The following GLRA1 variants were observed in gnomAD, a reference collection of about 807,000 sequenced individuals.
GLRA1 encodes glycine receptor subunit alpha-1.
Under a neutral mutation model 48.3 loss-of-function variants are expected in GLRA1, and 37 were observed. That is an observed-to-expected ratio of 0.77 (90% CI 0.59 to 1.01). The LOEUF (loss-of-function observed/expected upper bound fraction) is 1.01, where lower values mean the gene tolerates loss of function less well. GLRA1 is among the 50% of genes least tolerant of loss of function. The probability of loss-of-function intolerance (pLI) is 0.00; values close to 1 mark genes in which losing one functional copy is unlikely to be tolerated. For missense variants in GLRA1, 427 were observed against 571.0 expected, an observed-to-expected ratio of 0.75 and a Z score of 2.57; for synonymous variants, 196 against 210.7, an observed-to-expected ratio of 0.93 and a Z score of 0.60.
chr5:151,856,741 C>T (rs536151335), intron 4 of GLRA1, among the ~76,000 whole-genome samples: 5 of 151,936 alleles, frequency 3.3e-5, no homozygotes, highest in South Asian at 2.1e-4. Flanking sequence ...AGGCTAGTCT[C>T]GAACTCCCAG....
At chr5:151,917,249 C>T (rs1038224962) in intron 1 of GLRA1, among the ~76,000 whole-genome samples, 1 of 152,160 alleles carries the variant, frequency 6.6e-6, no homozygotes, top group Admixed American at 6.5e-5. Context: ...GATGCTCAGG[C>T]CTACCCCAGA....
Position 151,856,329 on chromosome 5 carries a change from G to T in GLRA1, c.531C>A (p.Val177=). The T allele has an allele frequency of 6.2e-7, 1 of 1,611,848 alleles. No homozygotes were observed. Among genetic ancestry groups the T allele is most frequent in the South Asian group, 1.1e-5 (1 of 91,026 alleles). Residue 177 remains valine, a synonymous_variant, in exon 5 of 9, where the codon GTC becomes GTA. Transcript: ENST00000274576. ...TTTCCAGTTGCATGATACATGTCTG[G>T]ACATCCATGGGGAAATTCTTCAAGT... ...PMDLKNFPMD[V]QTCIMQLESF... is the part of the protein sequence containing the mutation.
intron 1 of GLRA1, among the ~76,000 whole-genome samples, chr5:151,923,093 T>G (rs1169426380): frequency 6.7e-6 from 1 of 149,526 alleles, no homozygotes; most frequent in East Asian, 1.9e-4. Context: ...TCTATCTGAC[T>G]CTCTGACTAT....
At chr5:151,873,258 G>C (rs1272270708) in intron 3 of GLRA1, among the ~76,000 whole-genome samples, 3 of 149,394 alleles carry the variant, frequency 2.0e-5, no homozygotes, top group Non-Finnish European at 4.4e-5. Context: ...GGGCTTCCTG[G>C]GGGAGGCAGA....
At position 151,828,903 on chromosome 5, in the gene GLRA1, A is replaced by C. The variant is rs763830285; in HGVS notation, c.1059+18T>G. 5 of 1,611,638 alleles carry C rather than the reference A, an allele frequency of 3.1e-6. No homozygotes were observed. The Admixed American group carries it at 5.0e-5, about 16-fold the overall frequency. ...TACTAACAGCTGTCCCTCCTTAGGC[A>C]GTGACCCAAAGGCCTACCTTGTGAT... On this transcript the variant is annotated intron_variant, in intron 8 of 8. Transcript: ENST00000274576.
At chr5:151,851,256 C>T (rs998918351) in intron 7 of GLRA1, 134 bp downstream of exon 7, 4 of 690,932 alleles carry the variant, frequency 5.8e-6, no homozygotes, top group Non-Finnish European at 1.1e-5. Context: ...CAAAGATCTG[C>T]AGGATCCTGC....
chr5:151,872,356 A>G (rs983345085), intron 3 of GLRA1, among the ~76,000 whole-genome samples: 2 of 149,736 alleles, frequency 1.3e-5, no homozygotes, highest in Admixed American at 6.6e-5. Flanking sequence ...AATGACAATG[A>G]AGTACCATTT....
chr5:151,922,619 C>T (rs1381081995), intron 1 of GLRA1, among the ~76,000 whole-genome samples: 5 of 152,208 alleles, frequency 3.3e-5, no homozygotes, highest in East Asian at 1.9e-4. Flanking sequence ...CGTTCACGCA[C>T]GTAGGGGAAA....
At chr5:151,909,346 A>C (rs1362017866) in intron 1 of GLRA1, among the ~76,000 whole-genome samples, 1 of 152,182 alleles carries the variant, frequency 6.6e-6, no homozygotes, top group Non-Finnish European at 1.5e-5. Flanking sequence ...CTTTTCTCCA[A>C]CCATTTGAAT....
intron 6 of GLRA1, among the ~76,000 whole-genome samples, chr5:151,853,126 A>G (rs1752951367): frequency 6.6e-6 from 1 of 152,264 alleles, no homozygotes; most frequent in South Asian, 2.1e-4. Flanking sequence ...CAAAGGGTAC[A>G]GAATTTCAGT....
chr5:151,873,904 T>G (rs1171071339), intron 3 of GLRA1, among the ~76,000 whole-genome samples: 1 of 152,220 alleles, frequency 6.6e-6, no homozygotes, highest in African/African-American at 2.4e-5. Flanking sequence ...AGCTTGGGCT[T>G]CTTTTGAACC....
rs1754985074 is a variant in GLRA1 at position 151,924,804 on chromosome 5, A to G, written c.-255T>C. The G allele has an allele frequency of 7.5e-6, 4 of 530,210 alleles. No homozygotes were observed. Among genetic ancestry groups the G allele is most frequent in the African/African-American group, 2.0e-5 (1 of 50,794 alleles). The allele number at this position is 530,210 out of a possible 1,614,324, so 32.8% of individuals were successfully genotyped here. On this transcript the variant is annotated 5_prime_UTR_variant, in exon 1 of 9. Transcript: ENST00000274576. ...CCTGCTTTTCAGGAGCGCGAAGAGTATTGCTGTTTGTTAAACTCCAGCGTG... is the reference window on the plus strand; with the variant it reads ...CCTGCTTTTCAGGAGCGCGAAGAGTGTTGCTGTTTGTTAAACTCCAGCGTG...
chr5:151,862,813 C>T (rs1462223073), intron 3 of GLRA1, among the ~76,000 whole-genome samples: 1 of 152,162 alleles, frequency 6.6e-6, no homozygotes, highest in East Asian at 1.9e-4. Flanking sequence ...TTAGGAATAG[C>T]TGTTCTAGTC....
intron 7 of GLRA1, 68 bp downstream of exon 7, chr5:151,851,322 C>T: frequency 9.8e-7 from 1 of 1,018,228 alleles, no homozygotes; most frequent in Non-Finnish European, 1.6e-6. Flanking sequence ...ATGTTTTAGG[C>T]AGAGCAAGGA....
intron 1 of GLRA1, among the ~76,000 whole-genome samples, chr5:151,897,582 A>T (rs2913884): frequency 2.6e-5 from 4 of 151,954 alleles, no homozygotes; most frequent in Non-Finnish European, 5.9e-5. Flanking sequence ...TTCCTTACTG[A>T]GAAGGCTTAT....
In GLRA1 at chr5:151,832,067, A is replaced by G. The variant is rs184922938; in HGVS notation, c.913-3000T>C. 4.3e-3 allele frequency among the ~76,000 whole-genome samples: 661 copies of G among 152,344 alleles called. 1 individual carries two copies. Among genetic ancestry groups the G allele is most frequent in the Middle Eastern group, 0.014 (4 of 294 alleles). On this transcript the variant is annotated intron_variant, in intron 7 of 8. Transcript: ENST00000274576. Reference sequence around the variant, plus strand: ...CCTGCAGCTCAGAGGCCTGACTGTTAGAAGGAAAACTAACAAACAGAAAGG... The same window carrying G: ...CCTGCAGCTCAGAGGCCTGACTGTTGGAAGGAAAACTAACAAACAGAAAGG...
intron 1 of GLRA1, among the ~76,000 whole-genome samples, chr5:151,904,167 C>T (rs1754423387): frequency 1.3e-5 from 2 of 152,168 alleles, no homozygotes; most frequent in African/African-American, 4.8e-5. Context: ...TGGCCAATGC[C>T]CCTTTACCCT....
chr5:151,867,517 G>T (rs1418830342), intron 3 of GLRA1, among the ~76,000 whole-genome samples: 1 of 152,168 alleles, frequency 6.6e-6, no homozygotes, highest in African/African-American at 2.4e-5. Flanking sequence ...GTTCAGTTTA[G>T]CTCAACCATT....
At chr5:151,911,075 A>C (rs955127924) in intron 1 of GLRA1, among the ~76,000 whole-genome samples, 7 of 152,256 alleles carry the variant, frequency 4.6e-5, no homozygotes, top group Non-Finnish European at 1.0e-4. Flanking sequence ...AGGGCAGAGC[A>C]GGACTGGGCT....
Sources: allele counts gnomAD v4.1 joint callset (sites outside exome capture counted in the v4.1 genomes callset), GRCh38; gene constraint gnomAD v4.1.1; transcripts MANE v1.5; gene names NCBI Gene and HGNC (gene_info 2026-07-23, HGNC 2026-07-21).